The following NUTF2 variants were observed in gnomAD, a reference collection of about 807,000 sequenced individuals.
NUTF2 encodes nuclear transport factor 2.
NUTF2 carries 3 observed loss-of-function variants against 18.5 expected under a neutral mutation model. The ratio of observed to expected loss-of-function variants is 0.16; its 90% confidence interval spans 0.07 to 0.42. The LOEUF is 0.42. NUTF2 is among the 10% of genes least tolerant of loss of function. NUTF2 has a pLI of 0.99. For missense variants in NUTF2, 44 were observed against 160.7 expected, an observed-to-expected ratio of 0.27 and a Z score of 3.93; for synonymous variants, 51 against 57.9, an observed-to-expected ratio of 0.88 and a Z score of 0.54.
chr16:67,854,416 A>G (rs1231963819), intron 1 of NUTF2, among the ~76,000 whole-genome samples: 1 of 152,220 alleles, frequency 6.6e-6, no homozygotes, highest in East Asian at 1.9e-4. Context: ...CAGAGGTGGG[A>G]GGTTCAGCAG....
At chr16:67,855,848 G>T in intron 1 of NUTF2, 1 of 416,122 alleles carries the variant, frequency 2.4e-6, no homozygotes, top group Non-Finnish European at 4.6e-6. Context: ...GGGAAGACAA[G>T]GCCTGGGCTG....
intron 1 of NUTF2, among the ~76,000 whole-genome samples, chr16:67,858,511 G>C (rs577546123): frequency 6.6e-6 from 1 of 152,310 alleles, no homozygotes; most frequent in African/African-American, 2.4e-5. Flanking sequence ...AGGTGTGAAT[G>C]AGGAGGTGAC....
At position 67,852,017 on chromosome 16, in the gene NUTF2, GA is replaced by G. The variant is rs569060211; in HGVS notation, c.-30+5043del. Among the ~76,000 whole-genome samples, 544 of 146,732 alleles carry G rather than the reference GA, an allele frequency of 3.7e-3. 6 individuals carry two copies. The highest frequency in any genetic ancestry group is 0.01 in the African/African-American group (413 of 40,242). On this transcript the variant is annotated intron_variant, in intron 1 of 4. Transcript: ENST00000219169. ...GGCAACAACAGCGAAACTCCATCTT[GA>G]AAAAAAAAAATTCATAACTAGAAGC...
chr16:67,850,148 G>A (rs2057842140), intron 1 of NUTF2, among the ~76,000 whole-genome samples: 1 of 151,658 alleles, frequency 6.6e-6, no homozygotes, highest in African/African-American at 2.4e-5. Context: ...CGTTACTCAA[G>A]AGTAGGAGGA....
At chr16:67,851,604 C>T (rs2057858193) in intron 1 of NUTF2, among the ~76,000 whole-genome samples, 1 of 152,028 alleles carries the variant, frequency 6.6e-6, no homozygotes, top group South Asian at 2.1e-4. Flanking sequence ...ATGTGCTGCA[C>T]CCATTAACTC....
At chr16:67,851,980 C>T (rs920717994) in intron 1 of NUTF2, among the ~76,000 whole-genome samples, 2 of 151,918 alleles carry the variant, frequency 1.3e-5, no homozygotes. Context: ...TGTGCCATTG[C>T]GCTCCAGCCT....
intron 1 of NUTF2, chr16:67,856,011 T>G: frequency 9.3e-7 from 1 of 1,077,886 alleles, no homozygotes; most frequent in Non-Finnish European, 1.4e-6. Context: ...TTGAGCACGT[T>G]GAAGCGTACT....
chr16:67,865,098 G>T lies in NUTF2; in HGVS notation c.-29-4G>T. 1 of 1,468,704 alleles carries T rather than the reference G, an allele frequency of 6.8e-7. No homozygotes were observed. Among genetic ancestry groups the T allele is most frequent in the Admixed American group, 1.7e-5 (1 of 59,576 alleles). The allele number at this position is 1,468,704 out of a possible 1,614,324, so 91.0% of individuals were successfully genotyped here. A position where few individuals can be genotyped will look rare whatever the true frequency, so the allele number is the denominator to read the frequency against. On this transcript the variant is annotated splice_region_variant and splice_polypyrimidine_tract_variant and intron_variant, in intron 1 of 4. Coordinates refer to ENST00000219169, the MANE Select transcript of NUTF2 (RefSeq NM_005796.3). ...CTTCCCTCCTGGTCTCATTGGTCTTGCAGGTCTCCGTGAGGCCGGGTGACG... is the reference window on the plus strand; with the variant it reads ...CTTCCCTCCTGGTCTCATTGGTCTTTCAGGTCTCCGTGAGGCCGGGTGACG...
At chr16:67,869,965 C>G (rs1444597626) in intron 4 of NUTF2, 2 of 152,178 alleles carry the variant, frequency 1.3e-5, no homozygotes, top group Non-Finnish European at 2.9e-5. Flanking sequence ...TGTAGGTGGT[C>G]CTGTGGGCCT....
chr16:67,865,677 G>C (rs969320616), intron 2 of NUTF2, among the ~76,000 whole-genome samples: 2 of 152,040 alleles, frequency 1.3e-5, no homozygotes, highest in Non-Finnish European at 2.9e-5. Context: ...GAGGCTGATA[G>C]GTCATTTCAC....
intron 2 of NUTF2, among the ~76,000 whole-genome samples, chr16:67,866,956 G>A (rs2057977003): frequency 6.6e-6 from 1 of 151,298 alleles, no homozygotes; most frequent in African/African-American, 2.4e-5. Context: ...CCTGGCACTT[G>A]TGCCTCATTA....
chr16:67,852,928 C>T (rs1211984678), intron 1 of NUTF2, among the ~76,000 whole-genome samples: 1 of 152,116 alleles, frequency 6.6e-6, no homozygotes, highest in African/African-American at 2.4e-5. Context: ...GGTGATCCAC[C>T]CACCTTGGCC....
chr16:67,851,642 T>TGCTATCCCTCCCC (rs1233277529), intron 1 of NUTF2, among the ~76,000 whole-genome samples: 6 of 152,150 alleles, frequency 3.9e-5, no homozygotes, highest in African/African-American at 1.4e-4. Context: ...TATCTCCTAA[T>TGCTATCCCTCCCC]GCTATCCCTC....
intron 1 of NUTF2, among the ~76,000 whole-genome samples, chr16:67,850,422 G>A (rs891121761): frequency 1.5e-4 from 22 of 151,574 alleles, no homozygotes; most frequent in Non-Finnish European, 2.8e-4. Flanking sequence ...CAGCCAGGAT[G>A]GTCTCGATCT....
At chr16:67,869,524 G>A (rs557294106) in intron 4 of NUTF2, among the ~76,000 whole-genome samples, 68 of 151,160 alleles carry the variant, frequency 4.5e-4, no homozygotes, top group Non-Finnish European at 8.1e-4. Flanking sequence ...GGTGGCTCAC[G>A]CCTGTAATCC....
At chr16:67,858,711 G>C (rs2057914462) in intron 1 of NUTF2, among the ~76,000 whole-genome samples, 1 of 152,126 alleles carries the variant, frequency 6.6e-6, no homozygotes, top group South Asian at 2.1e-4. Flanking sequence ...AGGAGGGCCA[G>C]GTCACCTAGG....
rs548339996 is a variant in NUTF2 at position 67,859,105 on chromosome 16, A to C, written c.-29-5997A>C. On this transcript the variant is annotated intron_variant, in intron 1 of 4. Coordinates refer to ENST00000219169, the MANE Select transcript of NUTF2 (RefSeq NM_005796.3). ...CTGCCTTGGACTCCCAAAGTGTCCGAGGGATTACAGTCATGATTACAGGTG... is the reference window on the plus strand; with the variant it reads ...CTGCCTTGGACTCCCAAAGTGTCCGCGGGATTACAGTCATGATTACAGGTG... 3.3e-5 allele frequency among the ~76,000 whole-genome samples: 5 copies of C among 151,494 alleles called. No homozygotes were observed. The East Asian group carries it at 9.8e-4, about 30-fold the overall frequency.
intron 1 of NUTF2, 108 bp from the exon 2 acceptor site, chr16:67,864,994 A>G (rs1168149421): frequency 1.1e-5 from 7 of 614,666 alleles, no homozygotes; most frequent in Non-Finnish European, 2.1e-5. Context: ...CTGAGAGAAC[A>G]GATCTCAGCA....
At chr16:67,865,029 G>T in intron 1 of NUTF2, 73 bp from the exon 2 acceptor site, 1 of 714,116 alleles carries the variant, frequency 1.4e-6, no homozygotes. Flanking sequence ...GGCCAGTGAG[G>T]GGTGGGGGTC....
Sources: allele counts gnomAD v4.1 joint callset (sites outside exome capture counted in the v4.1 genomes callset), GRCh38; gene constraint gnomAD v4.1.1; transcripts MANE v1.5; gene names NCBI Gene and HGNC (gene_info 2026-07-23, HGNC 2026-07-21).